The following ZC3H4 variants were observed in gnomAD, a reference collection of about 807,000 sequenced individuals.
The protein encoded by ZC3H4 is zinc finger CCCH-type containing 4, also known as zinc finger CCCH domain-containing protein 4.
ZC3H4 carries 13 observed loss-of-function variants against 108.3 expected under a neutral mutation model. The ratio of observed to expected loss-of-function variants is 0.12; its 90% CI spans 0.08 to 0.19. The LOEUF (loss-of-function observed/expected upper bound fraction) is 0.19. Among genes scored for constraint, ZC3H4 ranks in the 10% least tolerant of loss-of-function variants. ZC3H4 has a pLI of 1.00. For synonymous variants in ZC3H4, 917 were observed against 749.6 expected (o/e 1.22, Z -3.65); for missense variants, 1,734 against 1,838.8 (o/e 0.94, Z 1.04).
intron 11 of ZC3H4, among the ~76,000 whole-genome samples, chr19:47,073,043 T>A (rs1415793424): frequency 1.3e-5 from 2 of 152,024 alleles, no homozygotes; most frequent in Non-Finnish European, 2.9e-5. Flanking sequence ...GAGGCCGAGG[T>A]GGGTGGATCA....
chr19:47,107,846 G>C (rs900664573), intron 2 of ZC3H4, among the ~76,000 whole-genome samples: 20 of 152,116 alleles, frequency 1.3e-4, no homozygotes, highest in African/African-American at 4.8e-4. Context: ...CTTCAAAACT[G>C]CATCTGCATT....
At chr19:47,111,303 G>C (rs2058035778) in intron 2 of ZC3H4, among the ~76,000 whole-genome samples, 1 of 152,216 alleles carries the variant, frequency 6.6e-6, no homozygotes, top group East Asian at 1.9e-4. Context: ...ACCTCGCCCT[G>C]AAACGCGCCG....
rs373942350 is a variant in ZC3H4, at chr19:47,071,796, C to T, written c.2128G>A (p.Gly710Arg). The part of the protein sequence containing the change: ...QQQEGMEMEP[G>R]LLGDAEDYGH... ...CGCATACCTGCATCCCCCAGGAGTC[C>T]GGGCTCCATCTCCATGCCCTCCTGC... The change falls in exon 13 of 15, where the codon GGA becomes AGA. Residue 710 changes from glycine to arginine, a missense_variant. By Grantham distance (125) the Gly-to-Arg change is moderately radical. Around this residue, in one of 9 missense-constraint regions of ZC3H4, gnomAD observed 540 missense variants for 484.1 expected, o/e 1.12. Coordinates refer to ENST00000253048, the MANE Select transcript of ZC3H4 (RefSeq NM_015168.2). 20 of 1,611,532 alleles carry T rather than the reference C, an allele frequency of 1.2e-5. No homozygotes were observed. Among genetic ancestry groups the T allele is most frequent in the East Asian group, 1.1e-4 (5 of 44,868 alleles).
At chr19:47,087,827 T>C (rs568233048) in intron 5 of ZC3H4, among the ~76,000 whole-genome samples, 5 of 152,072 alleles carry the variant, frequency 3.3e-5, no homozygotes, top group South Asian at 4.1e-4. Context: ...TGAGCCAACA[T>C]GGTGCCACTG....
chr19:47,104,940 G>A (rs2057949732), intron 2 of ZC3H4, among the ~76,000 whole-genome samples: 1 of 151,368 alleles, frequency 6.6e-6, no homozygotes, highest in African/African-American at 2.4e-5. Context: ...CTTCCACACG[G>A]GACCTCAAGA....
chr19:47,112,919 G>T (rs1284403061), intron 1 of ZC3H4, among the ~76,000 whole-genome samples: 1 of 152,104 alleles, frequency 6.6e-6, no homozygotes, highest in Non-Finnish European at 1.5e-5. Context: ...AATTAGCGCG[G>T]GCCGCGCGCG....
At chr19:47,071,116 G>GT (rs1236660738) in intron 13 of ZC3H4, among the ~76,000 whole-genome samples, 1 of 152,168 alleles carries the variant, frequency 6.6e-6, no homozygotes, top group East Asian at 1.9e-4. Context: ...CACCGCCACG[G>GT]TTCCCCACCT....
intron 2 of ZC3H4, chr19:47,112,056 A>G: frequency 1.1e-6 from 1 of 925,494 alleles, no homozygotes; most frequent in South Asian, 5.0e-5. Flanking sequence ...AGGGGCAGCC[A>G]GGACCCCCGT....
At chr19:47,084,989 A>G in intron 8 of ZC3H4, 67 bp downstream of exon 8, 1 of 1,592,954 alleles carries the variant, frequency 6.3e-7, no homozygotes, top group Non-Finnish European at 8.6e-7. Context: ...AGAATGACTC[A>G]TTAAAGGGAA....
At chr19:47,098,863 C>T (rs773329482) in intron 2 of ZC3H4, among the ~76,000 whole-genome samples, 4 of 152,202 alleles carry the variant, frequency 2.6e-5, no homozygotes, top group East Asian at 1.9e-4. Flanking sequence ...CCTACAGATT[C>T]GGGCCTCATG....
At chr19:47,092,816 C>CAATAAATA (rs57195521) in intron 4 of ZC3H4, among the ~76,000 whole-genome samples, 8,986 of 146,830 alleles carry the variant, frequency 0.061, 334 homozygotes, top group Middle Eastern at 0.062. Context: ...GACTCCGTCT[C>CAATAAATA]AATAAATAAA....
At chr19:47,074,917 G>C (rs113667568) in intron 11 of ZC3H4, among the ~76,000 whole-genome samples, 4 of 152,172 alleles carry the variant, frequency 2.6e-5, no homozygotes, top group Admixed American at 2.0e-4. Flanking sequence ...CATCTTGGCC[G>C]TGAGTCCCCC....
chr19:47,081,473 AG>A, intron 11 of ZC3H4, 39 bp downstream of exon 11: 1 of 1,518,454 alleles, frequency 6.6e-7, no homozygotes. Context: ...CGCATGTCCC[AG>A]TTCCTGTAGC....
Position 47,066,234 on chromosome 19 carries a change from GAAAAA to G in ZC3H4, c.*117_*121del. 1.4e-6 allele frequency: 1 copy of G among 733,086 alleles called. No homozygotes were observed. The highest frequency in any genetic ancestry group is 2.0e-6 in the Non-Finnish European group (1 of 488,226). 45.4% of individuals were successfully genotyped at this position (733,086 alleles called of 1,614,324 possible). The stretch of plus-strand genomic sequence containing the variant: ...AAAATAAAAGAGACGGAAAGCAAAA[GAAAAA>G]GAAAAGAAAAAAGGAACACCCAGCC... On this transcript the variant is annotated 3_prime_UTR_variant, in exon 15 of 15. Transcript: ENST00000253048.
At chr19:47,084,202 C>T in intron 9 of ZC3H4, 143 bp downstream of exon 9, 1 of 736,942 alleles carries the variant, frequency 1.4e-6, no homozygotes, top group South Asian at 1.8e-5. Flanking sequence ...CAGGCAACTC[C>T]CAGTATCGGC....
chr19:47,069,428 A>C (rs2057286764), intron 13 of ZC3H4, 85 bp from the exon 14 acceptor site: 1 of 1,494,986 alleles, frequency 6.7e-7, no homozygotes, highest in Non-Finnish European at 9.0e-7. Flanking sequence ...CTGCAAACCC[A>C]CACCGATGGC....
At position 47,064,732 on chromosome 19, in the gene ZC3H4, A is replaced by AG. The variant is rs2057171956; in HGVS notation, c.*1623_*1624insC. ...CATTAATGATTGTGTAAAAAAAAAAAAAAAAAAAAAGACAAAAAGACAAAC... is the reference window on the plus strand; with the variant it reads ...CATTAATGATTGTGTAAAAAAAAAAAGAAAAAAAAAAGACAAAAAGACAAAC... On this transcript the variant is annotated 3_prime_UTR_variant, in exon 15 of 15. Transcript: ENST00000253048. 1 of 151,442 alleles carries AG rather than the reference A, an allele frequency of 6.6e-6. No homozygotes were observed. The allele number at this position is 151,442 out of a possible 1,614,324, so 9.4% of individuals were successfully genotyped here. A position where few individuals can be genotyped will look rare whatever the true frequency, so the allele number is the denominator to read the frequency against.
intron 11 of ZC3H4, among the ~76,000 whole-genome samples, chr19:47,076,943 A>C (rs1187500219): frequency 2.0e-5 from 3 of 152,086 alleles, no homozygotes; most frequent in Non-Finnish European, 4.4e-5. Flanking sequence ...CAGTGAGCCA[A>C]GGTTGCACCA....
Position 47,066,190 on chromosome 19 carries a change from G to A in ZC3H4, c.*166C>T, listed in dbSNP as rs1293021443. On this transcript the variant is annotated 3_prime_UTR_variant, in exon 15 of 15. Transcript: ENST00000253048. ...TTATATACAATTTACAAATCTCAAAGAAAGTACTACTTTAAAAAAAAATAA... is the reference window on the plus strand; with the variant it reads ...TTATATACAATTTACAAATCTCAAAAAAAGTACTACTTTAAAAAAAAATAA... The A allele has an allele frequency of 1.2e-5, 7 of 564,214 alleles. No individual in the cohort carries two copies. Among genetic ancestry groups the A allele is most frequent in the Non-Finnish European group, 2.0e-5 (7 of 342,066 alleles). 35.0% of individuals were successfully genotyped at this position (564,214 alleles called of 1,614,324 possible).
Sources: allele counts gnomAD v4.1 joint callset (sites outside exome capture counted in the v4.1 genomes callset), GRCh38; gene constraint gnomAD v4.1.1; regional missense constraint gnomAD v4.1.1; transcripts MANE v1.5; gene names NCBI Gene and HGNC (gene_info 2026-07-23, HGNC 2026-07-21).